Variants in DRC7 observed in about 807,000 individuals in gnomAD.
The protein encoded by DRC7 is coiled-coil domain containing 135.
In DRC7, 80 loss-of-function variants were observed where a neutral mutation model predicts 104.4. The ratio of observed to expected loss-of-function variants is 0.77; its 90% CI spans 0.64 to 0.92. The LOEUF is 0.92. Ranked by LOEUF, DRC7 falls within the 40% of genes least tolerant of loss-of-function variation. DRC7 has a pLI of 0.00. For missense variants in DRC7, 1,034 were observed against 1,141.1 expected (o/e 0.91, Z 1.35); for synonymous variants, 405 against 447.3 (o/e 0.91, Z 1.19).
chr16:57,721,823 G>A, intron 10 of DRC7, 84 bp downstream of exon 10: 1 of 986,924 alleles, frequency 1.0e-6, no homozygotes, highest in South Asian at 1.5e-5. Flanking sequence ...GAGGCAGGGG[G>A]ACACAGCAGG....
At chr16:57,721,435 AG>A (rs1452064002) in intron 9 of DRC7, among the ~76,000 whole-genome samples, 1 of 152,156 alleles carries the variant, frequency 6.6e-6, no homozygotes, top group Non-Finnish European at 1.5e-5. Context: ...GCCTGCAGCC[AG>A]GGCAGGGGGT....
rs773067759 is a variant in DRC7 at position 57,730,993 on chromosome 16, C to T, written c.2454C>T (p.Pro818=). The T allele has an allele frequency of 8.7e-6, 14 of 1,613,434 alleles. No homozygotes were observed. The highest frequency in any genetic ancestry group is 8.0e-5 in the African/African-American group (6 of 74,890). The change falls in exon 18 of 19, where the codon CCC becomes CCT. Residue 818 remains proline (P), a synonymous_variant. Transcript: ENST00000360716. ...AGGAGAACCAGGTGACGCTGACACC[C>T]GAGGATGAAGACCTGTACCTGAGTT... The part of the protein sequence containing the change: ...WYQENQVTLT[P]EDEDLYLSYC...
At chr16:57,706,819 CCCAT>C (rs1452824763) in intron 7 of DRC7, among the ~76,000 whole-genome samples, 1 of 147,882 alleles carries the variant, frequency 6.8e-6, no homozygotes, top group African/African-American at 2.5e-5. Flanking sequence ...CACCCATCCT[CCCAT>C]CCATCCATCC....
chr16:57,726,579 A>T, intron 14 of DRC7: 1 of 555,700 alleles, frequency 1.8e-6, no homozygotes. Context: ...GAAGAGTCTC[A>T]CTACCTCTGA....
At chr16:57,721,539 C>T in intron 9 of DRC7, 128 bp from the exon 10 acceptor site, 1 of 686,148 alleles carries the variant, frequency 1.5e-6, no homozygotes, top group South Asian at 1.7e-5. Flanking sequence ...TCATGACCTC[C>T]AGTTCCCCTG....
At chr16:57,705,496 C>A (rs2048703556) in intron 7 of DRC7, among the ~76,000 whole-genome samples, 1 of 148,850 alleles carries the variant, frequency 6.7e-6, no homozygotes, top group East Asian at 2.0e-4. Flanking sequence ...ATCCATCCAT[C>A]CTCCTACCCA....
chr16:57,726,832 G>T lies in DRC7; in HGVS notation c.1975G>T (p.Val659Leu). The T allele has an allele frequency of 5.0e-6, 8 of 1,607,948 alleles. No individual in the cohort carries two copies. Among genetic ancestry groups the T allele is most frequent in the Non-Finnish European group, 6.0e-6 (7 of 1,175,850 alleles). Residue 659 changes from valine to leucine, a missense_variant and splice_region_variant, in exon 15 of 19, where the codon GTG (valine) becomes TTG (leucine). Physicochemically the swap from Val to Leu is conservative, Grantham distance 32. Coordinates refer to ENST00000360716, the MANE Select transcript of DRC7 (RefSeq NM_001289162.2). ...MTPDMCISFE[V>L]EPMEHTKKLL... is the part of the protein sequence containing the mutation. ...GTTACTAAGGTGGTTGTTGTCCCAG[G>T]TGGAGCCCATGGAGCACACCAAGAA... is the stretch of plus-strand genomic sequence containing the variant.
intron 8 of DRC7, among the ~76,000 whole-genome samples, chr16:57,716,603 A>G (rs775783735): frequency 1.3e-5 from 2 of 151,436 alleles, no homozygotes; most frequent in Non-Finnish European, 2.9e-5. Context: ...GACATCTACC[A>G]GCAGTTCTCT....
chr16:57,712,074 G>C (rs1597801774), intron 8 of DRC7, among the ~76,000 whole-genome samples: 1 of 152,314 alleles, frequency 6.6e-6, no homozygotes, highest in South Asian at 2.1e-4. Context: ...CTTTGGGAAA[G>C]GGCTGTTATT....
chr16:57,723,929 G>T (rs1310091718), intron 12 of DRC7, among the ~76,000 whole-genome samples: 1 of 149,668 alleles, frequency 6.7e-6, no homozygotes, highest in Non-Finnish European at 1.5e-5. Context: ...GTATGAACAA[G>T]TATGGGAGCA....
rs1352149136 is a variant in DRC7, at chr16:57,723,052, C to T, written c.1459C>T (p.Leu487=). 1.9e-6 allele frequency: 3 copies of T among 1,613,776 alleles called. No individual in the cohort carries two copies. The African/African-American group carries it at 4.0e-5, about 22-fold the overall frequency. The change falls in exon 12 of 19, where the codon CTG becomes TTG. Residue 487 remains leucine (L), a synonymous_variant. Transcript: ENST00000360716. The part of the protein sequence containing the change: ...KEWYQNREDM[L]ELKHINKTTD... ...GTGGTACCAGAACCGGGAAGACATG[C>T]TGGAGCTGAAACACATAAACAAGAC...
Position 57,704,993 on chromosome 16 carries a change from CAGG to C in DRC7, c.820_822del (p.Glu274del). ...GAAGAAGCAGCAGGAGATCAGAGCC[CAGG>C]AGAAGAAGCGGCTGAGGGAGGAGGA... On this transcript the variant is annotated inframe_deletion, in exon 7 of 19. Coordinates refer to ENST00000360716, the MANE Select transcript of DRC7 (RefSeq NM_001289162.2). The C allele has an allele frequency of 6.2e-7, 1 of 1,613,302 alleles. No homozygotes were observed. Among genetic ancestry groups the C allele is most frequent in the Non-Finnish European group, 8.5e-7 (1 of 1,179,914 alleles).
intron 2 of DRC7, among the ~76,000 whole-genome samples, chr16:57,697,586 A>G (rs541646612): frequency 2.0e-5 from 3 of 151,568 alleles, no homozygotes; most frequent in Admixed American, 2.0e-4. Context: ...TAAAAAATTT[A>G]AAAAAAAAGA....
chr16:57,697,602 G>C (rs559958675), intron 2 of DRC7, among the ~76,000 whole-genome samples: 36 of 152,146 alleles, frequency 2.4e-4, no homozygotes, highest in African/African-American at 7.5e-4. Context: ...AAAGATAACT[G>C]TCAAATATAC....
chr16:57,697,890 A>G (rs2048613115), intron 2 of DRC7, 23 bp from the exon 3 acceptor site: 1 of 1,572,370 alleles, frequency 6.4e-7, no homozygotes, highest in Non-Finnish European at 8.6e-7. Context: ...TCGGCCATGG[A>G]GTATACTTAC....
rs1378509276 is a variant in DRC7, at chr16:57,697,968, A to AAGGTGG, written c.23_28dup (p.Val8_Glu9dup). 5 of 1,612,450 alleles carry AAGGTGG rather than the reference A, an allele frequency of 3.1e-6. No individual in the cohort carries two copies. Among genetic ancestry groups the AAGGTGG allele is most frequent in the Non-Finnish European group, 3.4e-6 (4 of 1,179,746 alleles). On this transcript the variant is annotated inframe_insertion, in exon 3 of 19. Coordinates refer to ENST00000360716, the MANE Select transcript of DRC7 (RefSeq NM_001289162.2). The stretch of plus-strand genomic sequence containing the variant: ...CTCCAGAATGGAGGTCCTGAGGGAG[A>AAGGTGG]AGGTGGAGGAGGAGGAGGAGGCCGA...
Position 57,721,518 on chromosome 16 carries a change from A to G in DRC7, c.1207-149A>G, listed in dbSNP as rs183161213. 3.5e-3 allele frequency: 2,225 copies of G among 632,560 alleles called. 58 individuals are homozygous for G. Among genetic ancestry groups the G allele is most frequent in the South Asian group, 0.028 (1,468 of 52,898 alleles). 39.2% of individuals were successfully genotyped at this position (632,560 alleles called of 1,614,324 possible). ...GAGTCGACTCCTCCTTTTCCACATC[A>G]TGGGTCGTGCTCATGACCTCCAGTT... is the stretch of plus-strand genomic sequence containing the variant. On this transcript the variant is annotated intron_variant, in intron 9 of 18. Coordinates refer to ENST00000360716, the MANE Select transcript of DRC7 (RefSeq NM_001289162.2).
rs2148773118 is a variant in DRC7 at position 57,727,411 on chromosome 16, T to C, written c.2196+2T>C. 1 of 1,606,610 alleles carries C rather than the reference T, an allele frequency of 6.2e-7. No individual in the cohort carries two copies. The highest frequency in any genetic ancestry group is 8.5e-7 in the Non-Finnish European group (1 of 1,173,820). Reference sequence around the variant, plus strand: ...AGCAAGGAATATCGGGAGGCCATGGTCAGTCCCAATCCCTTCTCCAGGCCC... The same window carrying C: ...AGCAAGGAATATCGGGAGGCCATGGCCAGTCCCAATCCCTTCTCCAGGCCC... On this transcript the variant is annotated splice_donor_variant, in intron 16 of 18. Coordinates refer to ENST00000360716, the MANE Select transcript of DRC7 (RefSeq NM_001289162.2). LOFTEE classifies it high-confidence loss of function.
chr16:57,707,265 C>G (rs2048741926), intron 7 of DRC7, among the ~76,000 whole-genome samples, 195 bp from the exon 8 acceptor site: 1 of 152,178 alleles, frequency 6.6e-6, no homozygotes, highest in South Asian at 2.1e-4. Flanking sequence ...CAGACTCTCC[C>G]ATTGTTTTGA....
Sources: allele counts gnomAD v4.1 joint callset (sites outside exome capture counted in the v4.1 genomes callset), GRCh38; gene constraint gnomAD v4.1.1; transcripts MANE v1.5; gene names NCBI Gene and HGNC (gene_info 2026-07-23, HGNC 2026-07-21).